PCDH15: variants seen among roughly 807,000 people sequenced by gnomAD.
The protein encoded by PCDH15 is protocadherin-15.
In PCDH15, 129 loss-of-function variants were observed where a neutral mutation model predicts 178.5. That is an observed-to-expected ratio of 0.72 (90% CI 0.63 to 0.84). The LOEUF (loss-of-function observed/expected upper bound fraction) is 0.84, where lower values mean the gene tolerates loss of function less well. Among genes scored for constraint, PCDH15 ranks in the 40% least tolerant of loss-of-function variants. PCDH15 has a pLI of 0.00. For missense variants in PCDH15, 2,230 were observed against 2,099.9 expected (o/e 1.06, Z -1.21); for synonymous variants, 800 against 732.0 (o/e 1.09, Z -1.50).
At chr10:54,205,803 T>C (rs2050737234) in intron 10 of PCDH15, among the ~76,000 whole-genome samples, 1 of 152,086 alleles carries the variant, frequency 6.6e-6, no homozygotes, top group African/African-American at 2.4e-5. Context: ...TTTATTACTA[T>C]TACTAAACAT....
intron 3 of PCDH15, among the ~76,000 whole-genome samples, chr10:54,824,233 T>C (rs554021122): frequency 6.6e-6 from 1 of 152,266 alleles, no homozygotes; most frequent in African/African-American, 2.4e-5. Context: ...AACATGTGTA[T>C]AATAAATACA....
intron 18 of PCDH15, among the ~76,000 whole-genome samples, chr10:54,042,754 G>A (rs533102583): frequency 1.3e-5 from 2 of 152,246 alleles, no homozygotes; most frequent in South Asian, 4.1e-4. Context: ...AAATGTCTGA[G>A]TGGCAAAATG....
At chr10:54,670,752 C>T (rs1483701572) in intron 1 of PCDH15, among the ~76,000 whole-genome samples, 1 of 152,032 alleles carries the variant, frequency 6.6e-6, no homozygotes, top group African/African-American at 2.4e-5. Context: ...TTTATACATA[C>T]ATTTACTCAA....
At chr10:54,511,972 A>G (rs1028924089) in intron 3 of PCDH15, among the ~76,000 whole-genome samples, 1 of 152,142 alleles carries the variant, frequency 6.6e-6, no homozygotes, top group Non-Finnish European at 1.5e-5. Context: ...TTGATTTTAT[A>G]AAAGAACTAA....
intron 2 of PCDH15, among the ~76,000 whole-genome samples, chr10:55,534,835 T>C (rs1023781357): frequency 3.9e-5 from 6 of 152,022 alleles, no homozygotes; most frequent in African/African-American, 1.4e-4. Context: ...AACAATGGAT[T>C]GGATAAAGAA....
chr10:54,270,639 A>T (rs1332018940), intron 8 of PCDH15, among the ~76,000 whole-genome samples: 1 of 152,144 alleles, frequency 6.6e-6, no homozygotes, highest in Non-Finnish European at 1.5e-5. Context: ...GATGTTCCAC[A>T]ATGATTCTAA....
rs142420684 is a variant in PCDH15, at chr10:54,644,939, C to T, written c.91+19233G>A. On this transcript the variant is annotated intron_variant, in intron 2 of 37. Coordinates refer to ENST00000644397, the MANE Select transcript of PCDH15 (RefSeq NM_001384140.1). ...CTCCAAAGGATGCGGCAACAGGCACCATCTTTGAAACAGAGGCCAGGTCCT... is the reference window on the plus strand; with the variant it reads ...CTCCAAAGGATGCGGCAACAGGCACTATCTTTGAAACAGAGGCCAGGTCCT... Among the ~76,000 whole-genome samples, 1,245 of 152,214 alleles carry T rather than the reference C, an allele frequency of 8.2e-3. 20 individuals carry two copies. The highest frequency in any genetic ancestry group is 0.028 in the African/African-American group (1,153 of 41,524).
intron 2 of PCDH15, among the ~76,000 whole-genome samples, chr10:54,973,533 A>G (rs1459063055): frequency 6.6e-6 from 1 of 152,208 alleles, no homozygotes; most frequent in Non-Finnish European, 1.5e-5. Context: ...CCCACTTTAG[A>G]ATGCCCTAAT....
At chr10:53,988,605 A>C (rs1456966943) in intron 21 of PCDH15, among the ~76,000 whole-genome samples, 1 of 152,146 alleles carries the variant, frequency 6.6e-6, no homozygotes. Context: ...GAGGGTGTTA[A>C]GGCCAAGAAT....
At chr10:54,513,591 C>A (rs2081924869) in intron 3 of PCDH15, among the ~76,000 whole-genome samples, 1 of 152,042 alleles carries the variant, frequency 6.6e-6, no homozygotes, top group Non-Finnish European at 1.5e-5. Context: ...CAAAAACATA[C>A]TTGAAATTAA....
intron 7 of PCDH15, among the ~76,000 whole-genome samples, chr10:54,320,339 C>T (rs2061521057): frequency 6.6e-6 from 1 of 151,968 alleles, no homozygotes; most frequent in East Asian, 1.9e-4. Context: ...CCTTAGAAGC[C>T]TCCTCCCTCT....
chr10:54,301,749 A>G (rs563260786), intron 8 of PCDH15, among the ~76,000 whole-genome samples: 2 of 152,280 alleles, frequency 1.3e-5, no homozygotes, highest in Non-Finnish European at 2.9e-5. Flanking sequence ...AGTAATTTTC[A>G]CTAGCCAGCA....
chr10:54,391,884 G>C (rs1202891244), intron 3 of PCDH15, among the ~76,000 whole-genome samples: 1 of 152,090 alleles, frequency 6.6e-6, no homozygotes, highest in Non-Finnish European at 1.5e-5. Flanking sequence ...AATTGGTCTT[G>C]TCAAGAGAAT....
intron 3 of PCDH15, among the ~76,000 whole-genome samples, chr10:54,453,787 T>C (rs1304906928): frequency 6.6e-6 from 1 of 151,984 alleles, no homozygotes; most frequent in African/African-American, 2.4e-5. Flanking sequence ...AACCAAGGAT[T>C]TCTGAGAGCC....
At chr10:54,189,423 TA>T in intron 11 of PCDH15, 1 of 1,435,956 alleles carries the variant, frequency 7.0e-7, no homozygotes, top group Non-Finnish European at 9.4e-7. Flanking sequence ...ATTGTAAATG[TA>T]AATGATCACA....
intron 2 of PCDH15, among the ~76,000 whole-genome samples, chr10:55,326,799 C>T (rs1040005724): frequency 1.3e-5 from 2 of 151,756 alleles, no homozygotes; most frequent in South Asian, 2.1e-4. Flanking sequence ...AGAAGGATTA[C>T]GAAGAGATAA....
At chr10:55,408,883 C>T (rs1838268487) in intron 2 of PCDH15, among the ~76,000 whole-genome samples, 1 of 152,138 alleles carries the variant, frequency 6.6e-6, no homozygotes, top group South Asian at 2.1e-4. Context: ...ATTTTAAGCT[C>T]TCTGCTTGTT....
intron 2 of PCDH15, among the ~76,000 whole-genome samples, chr10:55,437,687 G>A (rs1424406578): frequency 1.3e-5 from 2 of 152,038 alleles, no homozygotes; most frequent in Non-Finnish European, 2.9e-5. Flanking sequence ...TTCTCCCATA[G>A]GGTTTCTAAC....
chr10:53,967,202 TC>T (rs1331074620), intron 21 of PCDH15, among the ~76,000 whole-genome samples: 1 of 152,084 alleles, frequency 6.6e-6, no homozygotes, highest in Non-Finnish European at 1.5e-5. Context: ...AAAGGGCTTT[TC>T]CCCCTTTTGC....
Sources: allele counts gnomAD v4.1 joint callset (sites outside exome capture counted in the v4.1 genomes callset), GRCh38; gene constraint gnomAD v4.1.1; transcripts MANE v1.5; gene names NCBI Gene and HGNC (gene_info 2026-07-23, HGNC 2026-07-21).